The following CCDC117 variants were observed in gnomAD, a reference collection of about 807,000 sequenced individuals.
CCDC117 encodes coiled-coil domain containing 117.
A neutral mutation model predicts 23.5 loss-of-function variants in CCDC117; 1 was observed. That is an observed-to-expected ratio of 0.04 (90% confidence interval 0.02 to 0.20). The LOEUF (loss-of-function observed/expected upper bound fraction) is 0.20. CCDC117 is among the 10% of genes least tolerant of loss of function. The probability of loss-of-function intolerance (pLI) is 1.00; values close to 1 mark genes in which losing one functional copy is unlikely to be tolerated. For missense variants in CCDC117, 383 were observed against 348.2 expected (o/e 1.10, Z -0.80); for synonymous variants, 132 against 124.8 (o/e 1.06, Z -0.39).
intron 4 of CCDC117, among the ~76,000 whole-genome samples, chr22:28,784,018 T>C (rs1272237027): frequency 6.6e-6 from 1 of 152,118 alleles, no homozygotes; most frequent in Non-Finnish European, 1.5e-5. Context: ...CACTGCGGCC[T>C]AGGAAAAAAA....
At chr22:28,783,708 T>C (rs971778272) in intron 4 of CCDC117, 63 bp downstream of exon 4, 8 of 1,498,398 alleles carry the variant, frequency 5.3e-6, no homozygotes, top group Middle Eastern at 3.8e-4. Flanking sequence ...AATGTCTAGA[T>C]TCTGCCCACC....
intron 1 of CCDC117, chr22:28,773,517 A>G: frequency 1.7e-6 from 1 of 590,494 alleles, no homozygotes; most frequent in Non-Finnish European, 3.1e-6. Context: ...TACGTTGATA[A>G]AAGGACAAGT....
chr22:28,773,848 C>G (rs1204549389), intron 2 of CCDC117, 70 bp downstream of exon 2: 1 of 1,137,804 alleles, frequency 8.8e-7, no homozygotes, highest in Non-Finnish European at 1.3e-6. Context: ...GTCTAAATTA[C>G]TTAAGTGAAA....
At chr22:28,775,013 C>T (rs2031121845) in intron 2 of CCDC117, among the ~76,000 whole-genome samples, 2 of 152,144 alleles carry the variant, frequency 1.3e-5, no homozygotes, top group African/African-American at 4.8e-5. Context: ...CCTGTAATCC[C>T]AGCACTTTGG....
intron 2 of CCDC117, among the ~76,000 whole-genome samples, chr22:28,776,373 G>A (rs1451225912): frequency 2.6e-5 from 4 of 152,060 alleles, no homozygotes; most frequent in Non-Finnish European, 5.9e-5. Context: ...CATCCTAGGT[G>A]ACAGAGCAAG....
At chr22:28,773,062 AGGGCGGGCGGGC>A (rs139091725) in intron 1 of CCDC117, 28 bp downstream of exon 1, 2 of 597,784 alleles carry the variant, frequency 3.3e-6, no homozygotes, top group Non-Finnish European at 4.4e-6. Context: ...CGCAGGGCGC[AGGGCGGGCGGGC>A]GGGCGGGCAG....
chr22:28,774,500 C>T (rs1450500065), intron 2 of CCDC117, among the ~76,000 whole-genome samples: 2 of 150,268 alleles, frequency 1.3e-5, no homozygotes, highest in Non-Finnish European at 2.9e-5. Flanking sequence ...GCCTCCTGAA[C>T]AGCTGAGACT....
In CCDC117 at chr22:28,780,936, TC is replaced by T. The variant is rs1356030043; in HGVS notation, c.240-11del. On this transcript the variant is annotated splice_polypyrimidine_tract_variant and intron_variant, in intron 2 of 4. Transcript: ENST00000249064. ...GTTGGGATTTTCATTGAATTTTTTT[TC>T]TTTTTTTCAGTTGTCCAGTAAGAAA... is the stretch of plus-strand genomic sequence containing the variant. 1.3e-6 allele frequency: 2 copies of T among 1,581,596 alleles called. No individual in the cohort carries two copies. The highest frequency in any genetic ancestry group is 4.5e-5 in the East Asian group (2 of 44,506).
At chr22:28,782,654 G>A (rs2031385141) in intron 3 of CCDC117, among the ~76,000 whole-genome samples, 1 of 151,956 alleles carries the variant, frequency 6.6e-6, no homozygotes, top group Non-Finnish European at 1.5e-5. Flanking sequence ...GGCCAGGCTG[G>A]TCTCGAACTC....
In CCDC117 at chr22:28,780,838, T is replaced by C. The variant is rs945510484; in HGVS notation, c.240-110T>C. On this transcript the variant is annotated intron_variant, in intron 2 of 4. Coordinates refer to ENST00000249064, the MANE Select transcript of CCDC117 (RefSeq NM_173510.4). Reference sequence around the variant, plus strand: ...ATTTTCCATCTTGTTACTACACACTTGTCAAAAAAGCTAGTTTTTTAAATA... The same window carrying C: ...ATTTTCCATCTTGTTACTACACACTCGTCAAAAAAGCTAGTTTTTTAAATA... 51 of 738,596 alleles carry C rather than the reference T, an allele frequency of 6.9e-5. No individual in the cohort carries two copies. In the East Asian group the frequency reaches 1.3e-3, roughly 19 times the overall value. The allele number at this position is 738,596 out of a possible 1,614,324, so 45.8% of individuals were successfully genotyped here.
intron 2 of CCDC117, among the ~76,000 whole-genome samples, chr22:28,777,360 TC>T (rs2031195452): frequency 1.3e-5 from 2 of 149,666 alleles, no homozygotes; most frequent in African/African-American, 5.0e-5. Context: ...TATATTGTCA[TC>T]ATTGTTTGTT....
chr22:28,785,223 C>CT (rs1305280319), intron 4 of CCDC117, among the ~76,000 whole-genome samples: 1 of 151,534 alleles, frequency 6.6e-6, no homozygotes, highest in Non-Finnish European at 1.5e-5. Context: ...GGGTCTCACT[C>CT]TGTCACCCAG....
intron 3 of CCDC117, among the ~76,000 whole-genome samples, chr22:28,782,879 A>G (rs1036958515): frequency 3.9e-5 from 6 of 152,064 alleles, no homozygotes; most frequent in Non-Finnish European, 1.5e-5. Context: ...GCCCCGAAGT[A>G]TGTGCTTTTA....
At chr22:28,774,486 T>C (rs1022116801) in intron 2 of CCDC117, among the ~76,000 whole-genome samples, 6 of 151,294 alleles carry the variant, frequency 4.0e-5, no homozygotes, top group Non-Finnish European at 8.8e-5. Context: ...ATCCCTCAGC[T>C]TCAGCCTCCT....
At chr22:28,780,479 T>C (rs1428640972) in intron 2 of CCDC117, among the ~76,000 whole-genome samples, 2 of 152,164 alleles carry the variant, frequency 1.3e-5, no homozygotes, top group African/African-American at 4.8e-5. Context: ...GGTTTCTTTT[T>C]TTCATTCATT....
At chr22:28,775,916 T>C (rs1485186759) in intron 2 of CCDC117, among the ~76,000 whole-genome samples, 11 of 151,724 alleles carry the variant, frequency 7.3e-5, no homozygotes. Flanking sequence ...AGTAAAAAGG[T>C]TTCCCAAAGA....
At chr22:28,778,282 A>G (rs959830641) in intron 2 of CCDC117, among the ~76,000 whole-genome samples, 7 of 152,154 alleles carry the variant, frequency 4.6e-5, no homozygotes, top group African/African-American at 1.7e-4. Context: ...ACATAGATTC[A>G]TAAAACATTA....
Position 28,774,233 on chromosome 22 carries a change from A to AT in CCDC117, c.239+470dup, listed in dbSNP as rs1187123889. ...CAGGCGCCCGCCACCACGCCTGGCA[A>AT]TTTTTTTTTTTTTTTAGTAGAGACG... On this transcript the variant is annotated intron_variant, in intron 2 of 4. Coordinates refer to ENST00000249064, the MANE Select transcript of CCDC117 (RefSeq NM_173510.4). Among the ~76,000 whole-genome samples, 864 of 140,652 alleles carry AT rather than the reference A, an allele frequency of 6.1e-3. 3 individuals are homozygous for AT. Among genetic ancestry groups the AT allele is most frequent in the African/African-American group, 0.01 (396 of 38,554 alleles). 92.3% of individuals were successfully genotyped at this position (140,652 alleles called of 152,430 possible).
Position 28,786,298 on chromosome 22 carries a change from C to CT in CCDC117, c.813dup (p.Ser272Ter). On this transcript the variant is annotated frameshift_variant, in exon 5 of 5. Coordinates refer to ENST00000249064, the MANE Select transcript of CCDC117 (RefSeq NM_173510.4). LOFTEE classifies it high-confidence loss of function. ...CTTTATAATAGTTTGGAGACAGCTA[C>CT]TAGCACAGAAGAAGAGATGGAACTC... 6.2e-7 allele frequency: 1 copy of CT among 1,613,610 alleles called. No homozygotes were observed. The highest frequency in any genetic ancestry group is 8.5e-7 in the Non-Finnish European group (1 of 1,179,800).
Sources: gnomAD v4.1 joint callset for allele counts (sites outside exome capture counted in the v4.1 genomes callset) on GRCh38, gnomAD v4.1.1 for gene constraint, MANE v1.5 for transcripts, NCBI Gene and HGNC (gene_info 2026-07-23, HGNC 2026-07-21) for gene names.